Variants in SLC35F5 observed in about 807,000 individuals in gnomAD.
SLC35F5 encodes the protein solute carrier family 35 member F5.
Under a neutral mutation model 68.6 loss-of-function variants are expected in SLC35F5, and 54 were observed. That is an observed-to-expected ratio of 0.79 (90% CI 0.63 to 0.99). SLC35F5 has a LOEUF of 0.99. SLC35F5 is among the 50% of genes least tolerant of loss of function. SLC35F5 has a pLI of 0.00. For synonymous variants in SLC35F5, 211 were observed against 205.2 expected, an observed-to-expected ratio of 1.03 and a Z score of -0.24; for missense variants, 567 against 626.9, an observed-to-expected ratio of 0.90 and a Z score of 1.02.
chr2:113,722,589 T>C (rs1687488945), intron 13 of SLC35F5, among the ~76,000 whole-genome samples: 1 of 152,174 alleles, frequency 6.6e-6, no homozygotes, highest in Non-Finnish European at 1.5e-5. Context: ...CATCCCAGAT[T>C]CTCTTTTCTG....
intron 7 of SLC35F5, among the ~76,000 whole-genome samples, chr2:113,736,275 CA>C (rs71297191): frequency 1.5e-3 from 191 of 130,812 alleles, no homozygotes; most frequent in African/African-American, 1.8e-3. Flanking sequence ...CCCATTTCTA[CA>C]AAAAAAAAAA....
Position 113,756,398 on chromosome 2 carries a change from T to C in SLC35F5, c.12A>G (p.Pro4=). 6.4e-7 allele frequency: 1 copy of C among 1,563,262 alleles called. No homozygotes were observed. Among genetic ancestry groups the C allele is most frequent in the Non-Finnish European group, 8.7e-7 (1 of 1,155,468 alleles). ...GCCTTCCTGCCCCGCGATGGCGTCG[T>C]GGCGGCACCATGAGCGGACCGGTCA... is the stretch of plus-strand genomic sequence containing the variant. MVP[P]RRHRGAGRPG... Residue 4 remains proline, a synonymous_variant, in exon 1 of 16, where the codon CCA becomes CCG. Coordinates refer to ENST00000245680, the MANE Select transcript of SLC35F5 (RefSeq NM_025181.5).
intron 15 of SLC35F5, among the ~76,000 whole-genome samples, chr2:113,715,444 C>T (rs181250718): frequency 2.0e-5 from 3 of 152,218 alleles, no homozygotes; most frequent in Admixed American, 2.0e-4. Flanking sequence ...CTGGTATATT[C>T]CACCATTACT....
intron 7 of SLC35F5, 74 bp downstream of exon 7, chr2:113,742,618 A>G: frequency 1.4e-6 from 2 of 1,423,756 alleles, no homozygotes; most frequent in Non-Finnish European, 9.8e-7. Flanking sequence ...CTTCAATCCT[A>G]TATTGTTGGT....
At chr2:113,726,343 G>C (rs1231927710) in intron 11 of SLC35F5, among the ~76,000 whole-genome samples, 7 of 152,000 alleles carry the variant, frequency 4.6e-5, no homozygotes, top group African/African-American at 1.7e-4. Flanking sequence ...TATTATTATA[G>C]AAATTAAGTT....
At chr2:113,746,504 A>G (rs1392032935) in intron 4 of SLC35F5, among the ~76,000 whole-genome samples, 165 bp from the exon 5 acceptor site, 1 of 152,214 alleles carries the variant, frequency 6.6e-6, no homozygotes, top group African/African-American at 2.4e-5. Flanking sequence ...CACCATTGTG[A>G]GGTAGGTATT....
chr2:113,734,701 G>C, intron 8 of SLC35F5, 28 bp from the exon 9 acceptor site: 1 of 1,392,144 alleles, frequency 7.2e-7, no homozygotes, highest in Middle Eastern at 2.3e-4. Flanking sequence ...TTTAAAAATG[G>C]TACATGAGTT....
rs956332101 is a variant in SLC35F5, at chr2:113,708,567, G to C, written c.*6651C>G. On this transcript the variant is annotated 3_prime_UTR_variant, in exon 16 of 16. Transcript: ENST00000245680. ...TATAAATACAAAAAATTAGCTGGGCGTGGTGGTGCATGTCTGTAATCCCAG... is the reference window on the plus strand; with the variant it reads ...TATAAATACAAAAAATTAGCTGGGCCTGGTGGTGCATGTCTGTAATCCCAG... 6.6e-6 allele frequency among the ~76,000 whole-genome samples: 1 copy of C among 152,048 alleles called. No individual in the cohort carries two copies. Among genetic ancestry groups the C allele is most frequent in the Non-Finnish European group, 1.5e-5 (1 of 67,998 alleles).
downstream of SLC35F5, chr2:113,705,567 T>G (rs543005637): frequency 6.6e-6 from 1 of 151,220 alleles, no homozygotes; most frequent in Non-Finnish European, 1.5e-5. Flanking sequence ...AAAAAAATGC[T>G]GTGATTAGTG....
At chr2:113,731,524 G>T in intron 10 of SLC35F5, 60 bp downstream of exon 10, 1 of 1,345,626 alleles carries the variant, frequency 7.4e-7, no homozygotes, top group Non-Finnish European at 1.1e-6. Context: ...GTGCACATGA[G>T]CACGCACATG....
Position 113,756,544 on chromosome 2 carries a change from C to A in SLC35F5, c.-135G>T. 2.0e-6 allele frequency: 3 copies of A among 1,475,542 alleles called. No individual in the cohort carries two copies. Among genetic ancestry groups the A allele is most frequent in the Non-Finnish European group, 2.7e-6 (3 of 1,116,700 alleles). 91.4% of individuals were successfully genotyped at this position (1,475,542 alleles called of 1,614,324 possible). ...AGACGCGGTGCCCCTCAGGGAGAGG[C>A]TCCCGACACCACCCAACTCCACTCG... On this transcript the variant is annotated 5_prime_UTR_variant, in exon 1 of 16. Transcript: ENST00000245680.
At chr2:113,745,924 G>A (rs965373481) in intron 5 of SLC35F5, among the ~76,000 whole-genome samples, 5 of 152,106 alleles carry the variant, frequency 3.3e-5, no homozygotes, top group Non-Finnish European at 5.9e-5. Flanking sequence ...TGGAACAAAC[G>A]AATAATTTGC....
intron 1 of SLC35F5, chr2:113,756,109 T>C: frequency 6.9e-7 from 1 of 1,446,112 alleles, no homozygotes; most frequent in South Asian, 1.5e-5. Context: ...TCCTTCTGTT[T>C]TGGAGCGGGG....
chr2:113,756,149 G>A lies in SLC35F5; in HGVS notation c.40+221C>T, dbSNP rs542164488. 1.7e-4 allele frequency: 248 copies of A among 1,447,622 alleles called. 2 individuals are homozygous for A. The African/African-American group carries it at 3.1e-3, about 18-fold the overall frequency. 89.7% of individuals were successfully genotyped at this position (1,447,622 alleles called of 1,614,324 possible). A position where few individuals can be genotyped will look rare whatever the true frequency, so the allele number is the denominator to read the frequency against. On this transcript the variant is annotated intron_variant, in intron 1 of 15. Coordinates refer to ENST00000245680, the MANE Select transcript of SLC35F5 (RefSeq NM_025181.5). Reference sequence around the variant, plus strand: ...CAGTTAAGGCAGCGACGCCTCCCCGGGGAGCCGAGGCGAGGGCGCACGCAC... The same window carrying A: ...CAGTTAAGGCAGCGACGCCTCCCCGAGGAGCCGAGGCGAGGGCGCACGCAC...
intron 1 of SLC35F5, chr2:113,756,053 C>G: frequency 6.8e-7 from 1 of 1,464,904 alleles, no homozygotes; most frequent in South Asian, 1.4e-5. Context: ...CCACCTCTAT[C>G]AAAACATCCA....
intron 13 of SLC35F5, 68 bp downstream of exon 13, chr2:113,723,036 T>C (rs1687510820): frequency 1.9e-6 from 2 of 1,070,220 alleles, no homozygotes; most frequent in Admixed American, 5.3e-5. Context: ...TAATCACATC[T>C]CAACTTTCAT....
chr2:113,743,026 G>A, intron 6 of SLC35F5, 147 bp from the exon 7 acceptor site: 1 of 701,800 alleles, frequency 1.4e-6, no homozygotes, highest in Non-Finnish European at 2.3e-6. Context: ...ATCATTACCT[G>A]AGACAACTTT....
chr2:113,709,977 G>GT lies in SLC35F5; in HGVS notation c.*5240dup, dbSNP rs1250965569. On this transcript the variant is annotated 3_prime_UTR_variant, in exon 16 of 16. Coordinates refer to ENST00000245680, the MANE Select transcript of SLC35F5 (RefSeq NM_025181.5). ...CAGGTATGCACTACCATGCCTGTTTGTTTTTTGTTTTTGTTTTTGTAGAGA... is the reference window on the plus strand; with the variant it reads ...CAGGTATGCACTACCATGCCTGTTTGTTTTTTTGTTTTTGTTTTTGTAGAGA... Among the ~76,000 whole-genome samples the GT allele has an allele frequency of 1.3e-5, 2 of 151,988 alleles. No homozygotes were observed. Among genetic ancestry groups the GT allele is most frequent in the Admixed American group, 6.6e-5 (1 of 15,258 alleles).
intron 7 of SLC35F5, among the ~76,000 whole-genome samples, chr2:113,737,447 T>C (rs1157125846): frequency 6.6e-6 from 1 of 152,190 alleles, no homozygotes; most frequent in South Asian, 2.1e-4. Flanking sequence ...ATCAAACATA[T>C]ATGGCAAGAG....
Sources: allele counts gnomAD v4.1 joint callset (sites outside exome capture counted in the v4.1 genomes callset), GRCh38; gene constraint gnomAD v4.1.1; transcripts MANE v1.5; gene names NCBI Gene and HGNC (gene_info 2026-07-23, HGNC 2026-07-21).